CAPN2: variants seen among roughly 807,000 people sequenced by gnomAD.
CAPN2 encodes calpain-2 catalytic subunit.
A neutral mutation model predicts 102.3 loss-of-function variants in CAPN2; 92 were observed. The observed-to-expected ratio is 0.90, with a 90% confidence interval of 0.76 to 1.07. The LOEUF (loss-of-function observed/expected upper bound fraction) is 1.07, where lower values mean the gene tolerates loss of function less well. Among genes scored for constraint, CAPN2 ranks in the 50% least tolerant of loss-of-function variants. CAPN2 has a pLI of 0.00. For synonymous variants in CAPN2, 340 were observed against 355.4 expected, an observed-to-expected ratio of 0.96 and a Z score of 0.49; for missense variants, 800 against 909.4, an observed-to-expected ratio of 0.88 and a Z score of 1.55.
chr1:223,712,900 C>A lies in CAPN2; in HGVS notation c.237+23C>A, dbSNP rs770746151. ...ACGGTAGGAAGCGCGCGGCAGGACGCGGGCAGGGCGGGGTGCCGGGCAGGG... is the reference window on the plus strand; with the variant it reads ...ACGGTAGGAAGCGCGCGGCAGGACGAGGGCAGGGCGGGGTGCCGGGCAGGG... On this transcript the variant is annotated intron_variant, in intron 1 of 20. Transcript: ENST00000295006. The A allele has an allele frequency of 2.7e-6, 4 of 1,481,974 alleles. No homozygotes were observed. In the Admixed American group the frequency reaches 9.3e-5, roughly 35 times the overall value. 91.8% of individuals were successfully genotyped at this position (1,481,974 alleles called of 1,614,324 possible).
intron 2 of CAPN2, among the ~76,000 whole-genome samples, chr1:223,740,374 C>T (rs565311971): frequency 6.6e-6 from 1 of 152,286 alleles, no homozygotes; most frequent in South Asian, 2.1e-4. Flanking sequence ...GAGAGTACAC[C>T]AAACAAAGGA....
intron 12 of CAPN2, 87 bp from the exon 13 acceptor site, chr1:223,761,494 A>G (rs1345033626): frequency 2.0e-6 from 2 of 989,998 alleles, no homozygotes; most frequent in Admixed American, 1.8e-5. Flanking sequence ...TGCTGGATTT[A>G]GCACTGCACT....
chr1:223,771,990 C>A, intron 19 of CAPN2, 65 bp downstream of exon 19: 1 of 1,245,308 alleles, frequency 8.0e-7, no homozygotes, highest in Admixed American at 1.7e-5. Context: ...CTGCCTTTCA[C>A]CTCGGTGAAA....
intron 20 of CAPN2, among the ~76,000 whole-genome samples, chr1:223,774,127 T>C (rs1366346840): frequency 6.6e-6 from 1 of 152,102 alleles, no homozygotes; most frequent in Non-Finnish European, 1.5e-5. Flanking sequence ...CTGTCATTCT[T>C]GCTGGATATC....
In CAPN2 at chr1:223,727,471, C is replaced by T. The variant is rs1242864065; in HGVS notation, c.307+9640C>T. Among the ~76,000 whole-genome samples, 1 of 152,084 alleles carries T rather than the reference C, an allele frequency of 6.6e-6. No individual in the cohort carries two copies. On this transcript the variant is annotated intron_variant, in intron 2 of 20. Transcript: ENST00000295006. The surrounding 1 kb of genome is among the most constrained non-coding windows in gnomAD (Gnocchi z 4.1). ...GCGGAGTTGGGGGGTGCATGGAATGCCCCCAGTTGAGAACCACTGGCAGAG... is the reference window on the plus strand; with the variant it reads ...GCGGAGTTGGGGGGTGCATGGAATGTCCCCAGTTGAGAACCACTGGCAGAG...
At chr1:223,705,282 G>C (rs1659577971) in intron 1 of CAPN2, among the ~76,000 whole-genome samples, 1 of 152,216 alleles carries the variant, frequency 6.6e-6, no homozygotes, top group Admixed American at 6.5e-5. Context: ...AAGCACTGGT[G>C]ATTCTTGCAC....
upstream of CAPN2, among the ~76,000 whole-genome samples, chr1:223,712,132 G>T (rs1480324294): frequency 6.6e-6 from 1 of 152,204 alleles, no homozygotes; most frequent in East Asian, 1.9e-4. Flanking sequence ...ATGAGATGAT[G>T]TATGCAGAGC....
In CAPN2 at chr1:223,775,015, T is replaced by C. The variant is rs1359647497; in HGVS notation, c.*158T>C. ...AAATAATGATACTGTCAATTTGAGA[T>C]AGCAGAAGTTTCACACATCAAAGTA... On this transcript the variant is annotated 3_prime_UTR_variant, in exon 21 of 21. Transcript: ENST00000295006. The C allele has an allele frequency of 3.0e-6, 2 of 664,568 alleles. No individual in the cohort carries two copies. Among genetic ancestry groups the C allele is most frequent in the East Asian group, 2.6e-5 (1 of 38,316 alleles). The allele number at this position is 664,568 out of a possible 1,614,324, so 41.2% of individuals were successfully genotyped here.
At chr1:223,722,674 T>C (rs1387356412) in intron 2 of CAPN2, among the ~76,000 whole-genome samples, 1 of 152,140 alleles carries the variant, frequency 6.6e-6, no homozygotes, top group Non-Finnish European at 1.5e-5. Flanking sequence ...TTAAGAACAG[T>C]GTTAGGTTTA....
Position 223,775,176 on chromosome 1 carries a change from G to T in CAPN2, c.*319G>T. 1 of 254,718 alleles carries T rather than the reference G, an allele frequency of 3.9e-6. No homozygotes were observed. Among genetic ancestry groups the T allele is most frequent in the Non-Finnish European group, 7.4e-6 (1 of 135,308 alleles). The allele number at this position is 254,718 out of a possible 1,614,324, so 15.8% of individuals were successfully genotyped here. ...TCCTGTTCATAGCAATATTAAATCA[G>T]GAAAAAAAAATGCAGGGAGGTATTT... On this transcript the variant is annotated 3_prime_UTR_variant, in exon 21 of 21. Transcript: ENST00000295006.
At chr1:223,717,147 T>C (rs1288795221) in intron 1 of CAPN2, among the ~76,000 whole-genome samples, 3 of 152,122 alleles carry the variant, frequency 2.0e-5, no homozygotes, top group African/African-American at 7.2e-5. Flanking sequence ...TCAAAAGGGT[T>C]AGATCCCGCC....
At chr1:223,762,434 C>T (rs1054991187) in intron 14 of CAPN2, among the ~76,000 whole-genome samples, 183 bp downstream of exon 14, 1 of 152,180 alleles carries the variant, frequency 6.6e-6, no homozygotes, top group Non-Finnish European at 1.5e-5. Flanking sequence ...CTAAGACCTC[C>T]GCATGCTGCC....
At position 223,726,385 on chromosome 1, in the gene CAPN2, A is replaced by T. The variant is rs992034321; in HGVS notation, c.307+8554A>T. On this transcript the variant is annotated intron_variant, in intron 2 of 20. Coordinates refer to ENST00000295006, the MANE Select transcript of CAPN2 (RefSeq NM_001748.5). This position sits in a 1 kb window ranked among gnomAD's most constrained non-coding sequence, Gnocchi z 4.4. ...CTCTGCTGGGGTACTGGAGATAAAA[A>T]CTCTGATATTGACTAGTGACCGTGG... is the stretch of plus-strand genomic sequence containing the variant. 6.6e-6 allele frequency among the ~76,000 whole-genome samples: 1 copy of T among 151,786 alleles called. No homozygotes were observed. Among genetic ancestry groups the T allele is most frequent in the Non-Finnish European group, 1.5e-5 (1 of 67,968 alleles).
chr1:223,727,212 C>CA lies in CAPN2; in HGVS notation c.307+9382dup, dbSNP rs1368348267. On this transcript the variant is annotated intron_variant, in intron 2 of 20. Transcript: ENST00000295006. The surrounding 1 kb of genome is among the most constrained non-coding windows in gnomAD (Gnocchi z 4.1). ...GTCTGTTTATCGTGTATCTAGCTGT[C>CA]AGCATGCAAAACAAAAGAACAAAAG... Among the ~76,000 whole-genome samples, 12 of 152,188 alleles carry CA rather than the reference C, an allele frequency of 7.9e-5. No homozygotes were observed. The highest frequency in any genetic ancestry group is 1.6e-4 in the Non-Finnish European group (11 of 68,044).
rs190075905 is a variant in CAPN2 at position 223,736,170 on chromosome 1, T to C, written c.308-7930T>C. Among the ~76,000 whole-genome samples, 959 of 152,220 alleles carry C rather than the reference T, an allele frequency of 6.3e-3. 11 individuals are homozygous for C. Among genetic ancestry groups the C allele is most frequent in the African/African-American group, 0.021 (881 of 41,538 alleles). On this transcript the variant is annotated intron_variant, in intron 2 of 20. Coordinates refer to ENST00000295006, the MANE Select transcript of CAPN2 (RefSeq NM_001748.5). ...GCCAGCAGGGACCCCGCCTCTGGGA[T>C]TGTTTGCTGGAGGGGTCCTGGACAA...
upstream of CAPN2, among the ~76,000 whole-genome samples, chr1:223,709,757 A>G (rs914329992): frequency 6.6e-6 from 1 of 152,202 alleles, no homozygotes; most frequent in African/African-American, 2.4e-5. Context: ...CACAATTTAC[A>G]TGACGTGAAG....
At chr1:223,768,597 G>A (rs1257170160) in intron 16 of CAPN2, among the ~76,000 whole-genome samples, 2 of 151,834 alleles carry the variant, frequency 1.3e-5, no homozygotes, top group Non-Finnish European at 2.9e-5. Flanking sequence ...TAGCCTTGTA[G>A]TATAGTTTGA....
chr1:223,738,204 C>A (rs1660515483), intron 2 of CAPN2, among the ~76,000 whole-genome samples: 1 of 151,884 alleles, frequency 6.6e-6, no homozygotes, highest in Non-Finnish European at 1.5e-5. Flanking sequence ...GTCACCCAGG[C>A]TGGAGTACAG....
At chr1:223,704,887 G>A (rs1176040292) in intron 1 of CAPN2, among the ~76,000 whole-genome samples, 4 of 152,190 alleles carry the variant, frequency 2.6e-5, no homozygotes, top group Admixed American at 6.5e-5. Context: ...GAGCCCCAAC[G>A]TGAGTAGGTG....
Sources: allele counts gnomAD v4.1 joint callset (sites outside exome capture counted in the v4.1 genomes callset), GRCh38; gene constraint gnomAD v4.1.1; non-coding constraint Gnocchi (gnomAD v3.1); transcripts MANE v1.5; gene names NCBI Gene and HGNC (gene_info 2026-07-23, HGNC 2026-07-21).